Variants in KLHL1 observed in about 807,000 individuals in gnomAD.
KLHL1 encodes kelch-like protein 1.
In KLHL1, 47 loss-of-function variants were observed where a neutral mutation model predicts 77.7. The observed-to-expected ratio is 0.60, with a 90% CI of 0.48 to 0.77. The LOEUF (loss-of-function observed/expected upper bound fraction) is 0.77, where lower values mean the gene tolerates loss of function less well. KLHL1 is among the 30% of genes least tolerant of loss of function. KLHL1 has a pLI of 0.00. For missense variants in KLHL1, 925 were observed against 910.8 expected, an observed-to-expected ratio of 1.02 and a Z score of -0.20; for synonymous variants, 360 against 325.2, an observed-to-expected ratio of 1.11 and a Z score of -1.15.
intron 1 of KLHL1, among the ~76,000 whole-genome samples, chr13:70,025,588 T>G (rs1169292147): frequency 6.6e-6 from 1 of 151,862 alleles, no homozygotes; most frequent in Admixed American, 6.6e-5. Context: ...CTCCTATACA[T>G]GTATAAGCTA....
chr13:69,709,054 G>A (rs1355489211), intron 9 of KLHL1, among the ~76,000 whole-genome samples: 1 of 152,068 alleles, frequency 6.6e-6, no homozygotes, highest in Non-Finnish European at 1.5e-5. Flanking sequence ...TTTGCACACT[G>A]TGGTTGGGGG....
chr13:69,725,358 C>T (rs1037267643), intron 8 of KLHL1, among the ~76,000 whole-genome samples: 3 of 152,066 alleles, frequency 2.0e-5, no homozygotes, highest in African/African-American at 7.2e-5. Context: ...GTTCAAATAG[C>T]AGGATGAAGG....
At chr13:69,858,815 T>A (rs1229227967) in intron 5 of KLHL1, among the ~76,000 whole-genome samples, 3 of 152,042 alleles carry the variant, frequency 2.0e-5, no homozygotes, top group Non-Finnish European at 4.4e-5. Flanking sequence ...TTGCCAAGCA[T>A]GGAAAAGAGT....
chr13:69,780,001 A>G lies in KLHL1; in HGVS notation c.1639+16737T>C, dbSNP rs560185535. 2.0e-5 allele frequency among the ~76,000 whole-genome samples: 3 copies of G among 151,546 alleles called. No homozygotes were observed. In the East Asian group the frequency reaches 5.9e-4, roughly 30 times the overall value. ...GTATTTTTAGTAGAGACAGGGTTTC[A>G]CCATGTTGGCCAGGCTTGTCTCTAT... On this transcript the variant is annotated intron_variant, in intron 7 of 10. Transcript: ENST00000377844.
At chr13:69,724,199 C>T (rs935931124) in intron 8 of KLHL1, among the ~76,000 whole-genome samples, 9 of 151,870 alleles carry the variant, frequency 5.9e-5, no homozygotes, top group African/African-American at 2.2e-4. Context: ...TTGGAGTAGC[C>T]CACCCTTCCA....
chr13:70,011,107 A>G (rs965483777), intron 1 of KLHL1, among the ~76,000 whole-genome samples: 3 of 152,046 alleles, frequency 2.0e-5, no homozygotes, highest in Non-Finnish European at 4.4e-5. Flanking sequence ...CCCAATGACT[A>G]CCTGTACCAA....
chr13:69,752,309 A>G (rs951602330), intron 7 of KLHL1, among the ~76,000 whole-genome samples: 1 of 152,106 alleles, frequency 6.6e-6, no homozygotes, highest in Non-Finnish European at 1.5e-5. Flanking sequence ...CGTTGCCTCT[A>G]TTTCTGAGGA....
chr13:69,980,568 C>A (rs17086081), intron 1 of KLHL1, among the ~76,000 whole-genome samples: 23,079 of 151,992 alleles, frequency 0.15, 3,714 homozygotes, highest in African/African-American at 0.41. Flanking sequence ...TTTTTCTGTA[C>A]CTGGAACCTG....
chr13:69,971,546 T>G (rs1884381081), intron 2 of KLHL1, among the ~76,000 whole-genome samples: 1 of 152,052 alleles, frequency 6.6e-6, no homozygotes, highest in Non-Finnish European at 1.5e-5. Context: ...AGTTCTCTAT[T>G]TTTTCCATAG....
rs575696426 is a variant in KLHL1, at chr13:69,790,505, C to T, written c.1639+6233G>A. Among the ~76,000 whole-genome samples the T allele has an allele frequency of 4.6e-5, 7 of 152,096 alleles. No individual in the cohort carries two copies. In the South Asian group the frequency reaches 1.5e-3, roughly 32 times the overall value. On this transcript the variant is annotated intron_variant, in intron 7 of 10. Transcript: ENST00000377844. ...CAGAGACATGATAACTAACTCTAGACCAGTATCTCTTGTGACTATAGATGT... is the reference window on the plus strand; with the variant it reads ...CAGAGACATGATAACTAACTCTAGATCAGTATCTCTTGTGACTATAGATGT...
intron 4 of KLHL1, among the ~76,000 whole-genome samples, chr13:69,893,425 G>A (rs1375805682): frequency 2.0e-5 from 3 of 151,756 alleles, no homozygotes; most frequent in Non-Finnish European, 2.9e-5. Context: ...TAGTAGAGAC[G>A]GGGTTTCACC....
At chr13:70,051,052 G>A (rs1886617472) in intron 1 of KLHL1, among the ~76,000 whole-genome samples, 1 of 151,928 alleles carries the variant, frequency 6.6e-6, no homozygotes. Context: ...TATAAAATGT[G>A]CCCCTGGGAA....
chr13:69,802,172 C>A (rs1402782451), intron 6 of KLHL1, among the ~76,000 whole-genome samples: 2 of 152,116 alleles, frequency 1.3e-5, no homozygotes, highest in Non-Finnish European at 2.9e-5. Context: ...CAGCTTCATC[C>A]ATGTCCCTGC....
intron 8 of KLHL1, among the ~76,000 whole-genome samples, chr13:69,736,619 G>C (rs1197440234): frequency 6.6e-6 from 1 of 151,626 alleles, no homozygotes; most frequent in African/African-American, 2.4e-5. Context: ...ATTTGCAATT[G>C]CAAAAATATG....
intron 1 of KLHL1, among the ~76,000 whole-genome samples, chr13:70,066,361 C>A (rs75355493): frequency 0.031 from 4,792 of 152,170 alleles, 159 homozygotes; most frequent in African/African-American, 0.084. Context: ...ACCTACTATA[C>A]GCTGAGAGCT....
chr13:69,941,899 C>G (rs1221131777), intron 3 of KLHL1, among the ~76,000 whole-genome samples: 1 of 151,760 alleles, frequency 6.6e-6, no homozygotes, highest in Admixed American at 6.6e-5. Context: ...TACAATCCCC[C>G]TAGATTAAAT....
At chr13:69,902,401 CAT>C (rs974334489) in intron 4 of KLHL1, among the ~76,000 whole-genome samples, 2 of 151,984 alleles carry the variant, frequency 1.3e-5, no homozygotes, top group Admixed American at 1.3e-4. Context: ...AGAAAAAGGA[CAT>C]AGATTTATCA....
intron 6 of KLHL1, among the ~76,000 whole-genome samples, chr13:69,835,616 TGCAAAATGTA>T: frequency 6.6e-6 from 1 of 152,258 alleles, no homozygotes; most frequent in African/African-American, 2.4e-5. Context: ...GGAAGGCATC[TGCAAAATGTA>T]GGCCCCTAAG....
At chr13:69,954,145 T>C (rs1883796105) in intron 3 of KLHL1, among the ~76,000 whole-genome samples, 3 of 151,232 alleles carry the variant, frequency 2.0e-5, no homozygotes, top group African/African-American at 2.4e-5. Flanking sequence ...TTAGAATAAA[T>C]GTCCAAGGAT....
Sources: allele counts gnomAD v4.1 joint callset (sites outside exome capture counted in the v4.1 genomes callset), GRCh38; gene constraint gnomAD v4.1.1; transcripts MANE v1.5; gene names NCBI Gene and HGNC (gene_info 2026-07-23, HGNC 2026-07-21).